TBC1D19: variants seen among roughly 807,000 people sequenced by gnomAD.
TBC1D19 encodes TBC1 domain family, member 19.
In TBC1D19, 60 loss-of-function variants were observed where a neutral mutation model predicts 89.0. The ratio of observed to expected loss-of-function variants is 0.67; its 90% confidence interval spans 0.55 to 0.84. TBC1D19 has a LOEUF of 0.84. Among genes scored for constraint, TBC1D19 ranks in the 40% least tolerant of loss-of-function variants. The pLI, the probability that TBC1D19 is intolerant of heterozygous loss-of-function variation, is 0.00. For missense variants in TBC1D19, 500 were observed against 610.8 expected, an observed-to-expected ratio of 0.82 and a Z score of 1.91; for synonymous variants, 189 against 199.7, an observed-to-expected ratio of 0.95 and a Z score of 0.45.
At chr4:26,637,790 C>A (rs542890182) in intron 5 of TBC1D19, among the ~76,000 whole-genome samples, 2 of 152,164 alleles carry the variant, frequency 1.3e-5, no homozygotes, top group Non-Finnish European at 2.9e-5. Context: ...ATTATTATAA[C>A]AAACCTGTAT....
At chr4:26,609,084 G>T (rs936703518) in intron 1 of TBC1D19, among the ~76,000 whole-genome samples, 2 of 145,612 alleles carry the variant, frequency 1.4e-5, no homozygotes, top group Non-Finnish European at 3.0e-5. Flanking sequence ...GGGAGGGGTA[G>T]CATTAGGAGA....
chr4:26,681,500 GA>G (rs1220057342), intron 11 of TBC1D19, among the ~76,000 whole-genome samples: 1 of 152,000 alleles, frequency 6.6e-6, no homozygotes, highest in Admixed American at 6.5e-5. Flanking sequence ...GCAGTGCACC[GA>G]GATCGTGCCA....
chr4:26,795,097 C>G, the TBC1D19 span, among the ~76,000 whole-genome samples: 177 of 152,246 alleles, frequency 1.2e-3, no homozygotes, highest in African/African-American at 4.0e-3. Context: ...AAATGCCAAA[C>G]TCCATATGCT....
At chr4:26,600,070 A>T (rs1740497351) in intron 1 of TBC1D19, among the ~76,000 whole-genome samples, 1 of 151,348 alleles carries the variant, frequency 6.6e-6, no homozygotes, top group Admixed American at 6.6e-5. Context: ...TTTCAAATGG[A>T]TGTTGTGTAA....
the TBC1D19 span, among the ~76,000 whole-genome samples, chr4:26,786,665 A>G: frequency 2.4e-4 from 36 of 148,278 alleles, no homozygotes; most frequent in South Asian, 4.3e-3. Context: ...GTTTTTGGGG[A>G]TGGGCAAGTA....
chr4:26,677,673 C>T (rs904676844), intron 11 of TBC1D19, among the ~76,000 whole-genome samples: 1 of 152,110 alleles, frequency 6.6e-6, no homozygotes. Flanking sequence ...TCCCATGTGT[C>T]ATGGGAGGGA....
At chr4:26,592,487 G>T (rs902670814) in intron 1 of TBC1D19, among the ~76,000 whole-genome samples, 1 of 152,062 alleles carries the variant, frequency 6.6e-6, no homozygotes. Flanking sequence ...GTTCTGGCCA[G>T]GGCAATCAGG....
Position 26,659,657 on chromosome 4 carries a change from C to A in TBC1D19, c.541C>A (p.His181Asn). Residue 181 changes from histidine (H) to asparagine (N), a missense_variant, in exon 8 of 21, where the codon CAT becomes AAT. By Grantham distance (68) the His-to-Asn change is moderately conservative (BLOSUM62 1). Coordinates refer to ENST00000264866, the MANE Select transcript of TBC1D19 (RefSeq NM_018317.4). ...ENGDSLSFRT[H>N]LGLIQVPLKV... ...CGGTGATTCTCTTAGTTTCAGGACT[C>A]ATTTGGGTTTAATTCAAGTTCCACT... 1.3e-6 allele frequency: 2 copies of A among 1,595,348 alleles called. No individual in the cohort carries two copies. The highest frequency in any genetic ancestry group is 1.7e-6 in the Non-Finnish European group (2 of 1,166,776).
chr4:26,669,481 G>A (rs2109100238), intron 9 of TBC1D19, among the ~76,000 whole-genome samples: 1 of 151,788 alleles, frequency 6.6e-6, no homozygotes, highest in Non-Finnish European at 1.5e-5. Context: ...TGGTCCTCAG[G>A]GCACTCTGAA....
At chr4:26,674,910 C>G (rs1395777960) in intron 11 of TBC1D19, among the ~76,000 whole-genome samples, 1 of 151,746 alleles carries the variant, frequency 6.6e-6, no homozygotes, top group African/African-American at 2.4e-5. Context: ...TACCTCTAAC[C>G]CTTGCAAACT....
intron 9 of TBC1D19, among the ~76,000 whole-genome samples, chr4:26,668,694 C>G (rs992168377): frequency 5.9e-5 from 9 of 151,826 alleles, no homozygotes; most frequent in African/African-American, 2.2e-4. Context: ...GTTGCTAATA[C>G]TTGTGTTTGG....
intron 13 of TBC1D19, among the ~76,000 whole-genome samples, chr4:26,716,813 TC>T (rs1716649409): frequency 6.6e-6 from 1 of 152,014 alleles, no homozygotes; most frequent in Non-Finnish European, 1.5e-5. Flanking sequence ...TTAAAATTAA[TC>T]TTTTTTTTTT....
intron 4 of TBC1D19, among the ~76,000 whole-genome samples, chr4:26,627,172 G>A (rs1384932983): frequency 2.0e-5 from 3 of 151,652 alleles, no homozygotes; most frequent in Non-Finnish European, 2.9e-5. Context: ...AGTTTACTGA[G>A]AATGATGATT....
intron 3 of TBC1D19, among the ~76,000 whole-genome samples, chr4:26,614,961 C>T (rs749586045): frequency 2.6e-5 from 4 of 151,978 alleles, no homozygotes; most frequent in Non-Finnish European, 2.9e-5. Context: ...TAGAGGTATG[C>T]GATACTGTGC....
At chr4:26,682,894 G>A (rs889568154) in intron 11 of TBC1D19, among the ~76,000 whole-genome samples, 2 of 151,044 alleles carry the variant, frequency 1.3e-5, no homozygotes, top group Non-Finnish European at 2.9e-5. Flanking sequence ...TAATCTCATC[G>A]TTGTGCAGTT....
At chr4:26,698,401 T>G (rs1389079302) in intron 13 of TBC1D19, among the ~76,000 whole-genome samples, 1 of 152,130 alleles carries the variant, frequency 6.6e-6, no homozygotes, top group East Asian at 1.9e-4. Context: ...TGCTCATGGA[T>G]AGGAAGAATC....
chr4:26,583,204 G>T (rs562247358), upstream of TBC1D19, among the ~76,000 whole-genome samples: 49 of 150,586 alleles, frequency 3.3e-4, no homozygotes, highest in African/African-American at 1.0e-3. Flanking sequence ...GGCCTTTTTT[G>T]GGGGGGGAAG....
intron 1 of TBC1D19, among the ~76,000 whole-genome samples, chr4:26,591,919 G>GC (rs1386474145): frequency 1.3e-5 from 2 of 152,294 alleles, no homozygotes; most frequent in East Asian, 3.9e-4. Context: ...ACAAGGAGGA[G>GC]CTGGTACCAT....
intron 13 of TBC1D19, among the ~76,000 whole-genome samples, chr4:26,691,928 A>G (rs959555485): frequency 6.6e-6 from 1 of 152,246 alleles, no homozygotes; most frequent in Non-Finnish European, 1.5e-5. Flanking sequence ...CATCCTCAGC[A>G]GGAAACTGTA....
Sources: gnomAD v4.1 joint callset for allele counts (sites outside exome capture counted in the v4.1 genomes callset) on GRCh38, gnomAD v4.1.1 for gene constraint, MANE v1.5 for transcripts, NCBI Gene and HGNC (gene_info 2026-07-23, HGNC 2026-07-21) for gene names.